NUP155: variants seen among roughly 807,000 people sequenced by gnomAD.
NUP155 encodes nuclear pore complex protein Nup155.
NUP155 carries 71 observed loss-of-function variants against 180.4 expected under a neutral mutation model. The observed-to-expected ratio is 0.39, with a 90% confidence interval of 0.33 to 0.48. The LOEUF (loss-of-function observed/expected upper bound fraction) is 0.48, where lower values mean the gene tolerates loss of function less well. Among genes scored for constraint, NUP155 ranks in the 20% least tolerant of loss-of-function variants. NUP155 has a pLI of 0.91. For missense variants in NUP155, 1,553 were observed against 1,648.9 expected, an observed-to-expected ratio of 0.94 and a Z score of 1.01; for synonymous variants, 582 against 559.5, an observed-to-expected ratio of 1.04 and a Z score of -0.57.
intron 33 of NUP155, 40 bp downstream of exon 33, chr5:37,294,289 T>C: frequency 7.3e-7 from 1 of 1,370,630 alleles, no homozygotes; most frequent in South Asian, 1.3e-5. Context: ...GTTACTTTAA[T>C]TAAAGAAAAT....
At position 37,357,873 on chromosome 5, in the gene NUP155, ATCCCAGCTATTC is replaced by A. The variant is rs1581209512; in HGVS notation, c.463+196_463+207del. Among the ~76,000 whole-genome samples, 7 of 152,130 alleles carry A rather than the reference ATCCCAGCTATTC, an allele frequency of 4.6e-5. No homozygotes were observed. The East Asian group carries it at 1.4e-3, about 30-fold the overall frequency. ...CTGGGTGTGGTGGCGCACGCCCGTA[ATCCCAGCTATTC>A]GGGAGGCTGAGGCAGGAGAACTGCT... is the stretch of plus-strand genomic sequence containing the variant. On this transcript the variant is annotated intron_variant, in intron 4 of 34. Coordinates refer to ENST00000231498, the MANE Select transcript of NUP155 (RefSeq NM_153485.3).
chr5:37,304,078 T>G (rs59278603), intron 27 of NUP155, among the ~76,000 whole-genome samples: 20,053 of 151,554 alleles, frequency 0.13, 1,382 homozygotes, highest in African/African-American at 0.17. Flanking sequence ...TAAAACCCCG[T>G]CTCTACTAAA....
intron 10 of NUP155, 186 bp downstream of exon 10, chr5:37,342,363 T>A (rs1745781027): frequency 1.8e-6 from 1 of 541,792 alleles, no homozygotes; most frequent in African/African-American, 1.9e-5. Context: ...TGGTTTTATA[T>A]CTATAAAATG....
rs1747922443 is a variant in NUP155, at chr5:37,370,903, A to G, written c.75T>C (p.Asn25=). 2 of 1,614,132 alleles carry G rather than the reference A, an allele frequency of 1.2e-6. No individual in the cohort carries two copies. Among genetic ancestry groups the G allele is most frequent in the East Asian group, 4.5e-5 (2 of 44,876 alleles). The change falls in exon 1 of 35, where the codon AAT becomes AAC. Residue 25 remains asparagine, a synonymous_variant. Coordinates refer to ENST00000231498, the MANE Select transcript of NUP155 (RefSeq NM_153485.3). ...SAAALQEALE[N]AGRLIDRQLQ... ...ACTGACGGTCGATGAGCCGTCCAGC[A>G]TTTTCCAGAGCTTCCTGCAGGGCTG...
At chr5:37,370,697 A>T (rs1201999236) in intron 1 of NUP155, 124 bp downstream of exon 1, 2 of 1,609,208 alleles carry the variant, frequency 1.2e-6, no homozygotes, top group African/African-American at 2.7e-5. Context: ...TTCTCCAAAA[A>T]TGCAGCCAAC....
In NUP155 at chr5:37,371,042, C is replaced by T. The variant is rs1747937985; in HGVS notation, c.-65G>A. 1.3e-6 allele frequency: 2 copies of T among 1,567,190 alleles called. No individual in the cohort carries two copies. The highest frequency in any genetic ancestry group is 1.7e-5 in the Admixed American group (1 of 59,210). On this transcript the variant is annotated 5_prime_UTR_variant, in exon 1 of 35. Coordinates refer to ENST00000231498, the MANE Select transcript of NUP155 (RefSeq NM_153485.3). ...AACCAAGGAGAAACAAGAAAAGATC[C>T]AAGAAGTTAGCTTAGATCCGCCGCC...
Position 37,350,260 on chromosome 5 carries a change from T to A in NUP155, c.729A>T (p.Glu243Asp), listed in dbSNP as rs764898018. The A allele has an allele frequency of 1.2e-6, 2 of 1,612,314 alleles. No individual in the cohort carries two copies. Among genetic ancestry groups the A allele is most frequent in the South Asian group, 2.2e-5 (2 of 91,016 alleles). The change falls in exon 7 of 35, where the codon GAA (glutamate) becomes GAT (aspartate). Residue 243 changes from glutamate to aspartate, a missense_variant. Transcript: ENST00000231498. The part of the protein sequence containing the change: ...GCLYEVAYQA[E>D]AGWFSQRCRK... ...TACATCTTTGGCTAAACCACCCTGC[T>A]TCAGCCTTAAAGAAAAAAGTAGAAA... is the stretch of plus-strand genomic sequence containing the variant.
At position 37,367,844 on chromosome 5, in the gene NUP155, C is replaced by T. The variant is rs541056185; in HGVS notation, c.157+2977G>A. On this transcript the variant is annotated intron_variant, in intron 1 of 34. Coordinates refer to ENST00000231498, the MANE Select transcript of NUP155 (RefSeq NM_153485.3). ...TATTGCCCTGGCTGGAGTACAGTGG[C>T]GCGATCTCGGCTCACTGCAACTTCC... 4.6e-5 allele frequency among the ~76,000 whole-genome samples: 7 copies of T among 152,162 alleles called. No homozygotes were observed. In the South Asian group the frequency reaches 1.2e-3, roughly 27 times the overall value.
chr5:37,299,807 G>A (rs1453651662), intron 30 of NUP155, among the ~76,000 whole-genome samples: 1 of 151,906 alleles, frequency 6.6e-6, no homozygotes, highest in Non-Finnish European at 1.5e-5. Context: ...GGCCAAGGTG[G>A]GCGGATCACG....
rs140794899 is a variant in NUP155 at position 37,302,428 on chromosome 5, G to C, written c.3447+351C>G. The stretch of plus-strand genomic sequence containing the variant: ...TTGTATTTTTTTAAGTAGAGACAAG[G>C]TTTCGCCATATTGGCCAGGCTGGTC... On this transcript the variant is annotated intron_variant, in intron 29 of 34. Coordinates refer to ENST00000231498, the MANE Select transcript of NUP155 (RefSeq NM_153485.3). 2.4e-4 allele frequency among the ~76,000 whole-genome samples: 37 copies of C among 152,238 alleles called. No homozygotes were observed. In the East Asian group the frequency reaches 6.4e-3, roughly 26 times the overall value.
rs1747912826 is a variant in NUP155, at chr5:37,370,801, G to A, written c.157+20C>T. Reference sequence around the variant, plus strand: ...GGCGAGAGTCCTTTAGGTTGAGAAAGCAGGGTCACTATCACTCACTTGGGG... The same window carrying A: ...GGCGAGAGTCCTTTAGGTTGAGAAAACAGGGTCACTATCACTCACTTGGGG... On this transcript the variant is annotated intron_variant, in intron 1 of 34. Coordinates refer to ENST00000231498, the MANE Select transcript of NUP155 (RefSeq NM_153485.3). The A allele has an allele frequency of 6.2e-7, 1 of 1,614,148 alleles. No homozygotes were observed. The highest frequency in any genetic ancestry group is 1.1e-5 in the South Asian group (1 of 91,072).
intron 12 of NUP155, among the ~76,000 whole-genome samples, chr5:37,335,947 A>G (rs1027860664): frequency 6.6e-6 from 1 of 152,146 alleles, no homozygotes; most frequent in Admixed American, 6.5e-5. Flanking sequence ...CCTGGGCAAC[A>G]GAGTGAAACC....
intron 23 of NUP155, among the ~76,000 whole-genome samples, chr5:37,310,283 A>G (rs1245473648): frequency 2.0e-5 from 3 of 152,190 alleles, no homozygotes; most frequent in Non-Finnish European, 4.4e-5. Flanking sequence ...CTATGATCAC[A>G]GCACTGCACT....
intron 27 of NUP155, among the ~76,000 whole-genome samples, chr5:37,304,163 T>C (rs1444447799): frequency 6.8e-6 from 1 of 148,006 alleles, no homozygotes. Flanking sequence ...AGCAGGAGGA[T>C]TGCTGGAACC....
Position 37,333,647 on chromosome 5 carries a change from A to C in NUP155, c.1348-14T>G, listed in dbSNP as rs745810693. 1.2e-6 allele frequency: 2 copies of C among 1,607,420 alleles called. No individual in the cohort carries two copies. The highest frequency in any genetic ancestry group is 2.2e-5 in the South Asian group (2 of 90,726). ...ACCAGCTGTCATCTATGTAAAAGAA[A>C]TAAATGTTTTATACATCATATTGAA... On this transcript the variant is annotated splice_polypyrimidine_tract_variant and intron_variant, in intron 12 of 34. Coordinates refer to ENST00000231498, the MANE Select transcript of NUP155 (RefSeq NM_153485.3).
At chr5:37,329,031 A>G (rs574148770) in intron 16 of NUP155, among the ~76,000 whole-genome samples, 159 bp downstream of exon 16, 25 of 152,226 alleles carry the variant, frequency 1.6e-4, no homozygotes, top group Non-Finnish European at 2.6e-4. Context: ...ATTCAATATT[A>G]ATAGATCACT....
chr5:37,341,270 G>C (rs1019312027), intron 10 of NUP155, 28 bp from the exon 11 acceptor site: 1 of 1,603,094 alleles, frequency 6.2e-7, no homozygotes, highest in Non-Finnish European at 8.5e-7. Flanking sequence ...TTATGCATCA[G>C]TAATAGAAAA....
At chr5:37,362,713 A>G (rs1026633654) in intron 3 of NUP155, among the ~76,000 whole-genome samples, 5 of 152,258 alleles carry the variant, frequency 3.3e-5, no homozygotes, top group African/African-American at 1.2e-4. Context: ...ATAAAAATGA[A>G]TATGTTATGG....
chr5:37,350,335 A>G (rs941698347), intron 6 of NUP155, 70 bp from the exon 7 acceptor site: 27 of 975,388 alleles, frequency 2.8e-5, no homozygotes, highest in Non-Finnish European at 4.2e-5. Flanking sequence ...CTGTATATCC[A>G]TATTTATAAA....
Sources: allele counts gnomAD v4.1 joint callset (sites outside exome capture counted in the v4.1 genomes callset), GRCh38; gene constraint gnomAD v4.1.1; transcripts MANE v1.5; gene names NCBI Gene and HGNC (gene_info 2026-07-23, HGNC 2026-07-21).